SEC16B: variants seen among roughly 807,000 people sequenced by gnomAD.
The protein encoded by SEC16B is protein transport protein Sec16B.
SEC16B carries 115 observed loss-of-function variants against 141.8 expected under a neutral mutation model. The observed-to-expected ratio is 0.81, with a 90% CI of 0.70 to 0.95. SEC16B has a LOEUF of 0.95. Ranked by LOEUF, SEC16B falls within the 40% of genes least tolerant of loss-of-function variation. SEC16B has a pLI of 0.00. For missense variants in SEC16B, 1,291 were observed against 1,312.3 expected (o/e 0.98, Z 0.25); for synonymous variants, 493 against 492.5 (o/e 1.00, Z -0.01).
At chr1:177,974,901 C>T (rs1428629465), upstream of SEC16B, among the ~76,000 whole-genome samples, 1 of 152,162 alleles carries the variant, frequency 6.6e-6, no homozygotes, top group Non-Finnish European at 1.5e-5. Flanking sequence ...ATCCAGAGCA[C>T]AGGAACAAAA....
chr1:177,937,822 T>C (rs774577499), intron 18 of SEC16B, among the ~76,000 whole-genome samples: 5 of 152,164 alleles, frequency 3.3e-5, no homozygotes, highest in Non-Finnish European at 7.4e-5. Context: ...CCTTAAAAAC[T>C]GAGTTCCCAG....
Position 177,960,321 on chromosome 1 carries a change from GCA to G in SEC16B, c.998+19_998+20del. ...TCTAGGTTTCAAAAGCCCTTACTCA[GCA>G]GCTCTTACAGCACTATACCTAATCA... On this transcript the variant is annotated intron_variant, in intron 8 of 25. Transcript: ENST00000308284. 1 of 1,533,212 alleles carries G rather than the reference GCA, an allele frequency of 6.5e-7. No homozygotes were observed. Among genetic ancestry groups the G allele is most frequent in the East Asian group, 2.3e-5 (1 of 44,332 alleles). 95.0% of individuals were successfully genotyped at this position (1,533,212 alleles called of 1,614,324 possible). A position where few individuals can be genotyped will look rare whatever the true frequency, so the allele number is the denominator to read the frequency against.
chr1:177,932,522 C>T lies in SEC16B; in HGVS notation c.2980G>A (p.Gly994Ser). 4 of 1,557,130 alleles carry T rather than the reference C, an allele frequency of 2.6e-6. No individual in the cohort carries two copies. The highest frequency in any genetic ancestry group is 3.5e-6 in the Non-Finnish European group (4 of 1,150,918). ...CCAGACAAGCCTCCAACCCCAGCGC[C>T]CGCAGCTGCTCCCCCGCTGGATGCG... Reference protein sequence around the residue: ...GSASSGGAAAGAGVGGLSGPE... With the variant: ...GSASSGGAAASAGVGGLSGPE... Residue 994 changes from glycine (G) to serine (S), a missense_variant, in exon 24 of 26, where the codon GGC becomes AGC. By Grantham distance (56) the Gly-to-Ser change is moderately conservative. This residue lies in a region of SEC16B where 605 missense variants were observed against 614.1 expected (regional missense o/e 0.99). Transcript: ENST00000308284.
upstream of SEC16B, chr1:177,971,273 G>A (rs548614183): frequency 2.0e-5 from 3 of 152,220 alleles, no homozygotes; most frequent in East Asian, 1.9e-4. Context: ...GTAAAGAAGG[G>A]GTTTCATCAT....
rs566838800 is a variant in SEC16B at position 177,944,726 on chromosome 1, C to T, written c.1776-60G>A. 2.0e-4 allele frequency: 268 copies of T among 1,370,296 alleles called. 1 individual carries two copies. The African/African-American group carries it at 3.1e-3, about 16-fold the overall frequency. The allele number at this position is 1,370,296 out of a possible 1,614,324, so 84.9% of individuals were successfully genotyped here. Reference sequence around the variant, plus strand: ...GTGTGGGGGACGCAGGAGTTAAATCCTAGTGGCTCTCCAAACACCAGCTGC... The same window carrying T: ...GTGTGGGGGACGCAGGAGTTAAATCTTAGTGGCTCTCCAAACACCAGCTGC... On this transcript the variant is annotated intron_variant, in intron 14 of 25. Transcript: ENST00000308284.
Position 177,961,634 on chromosome 1 carries a change from C to G in SEC16B, c.743G>C (p.Arg248Pro). The G allele has an allele frequency of 1.9e-6, 3 of 1,613,870 alleles. No homozygotes were observed. Among genetic ancestry groups the G allele is most frequent in the Non-Finnish European group, 1.7e-6 (2 of 1,179,862 alleles). The change falls in exon 6 of 26, where the codon CGG becomes CCG. Residue 248 changes from arginine (R) to proline (P), a missense_variant. Transcript: ENST00000308284. The stretch of plus-strand genomic sequence containing the variant: ...AGCTGCTGAAGCTGGGGGATCATCC[C>G]GCTCCGGGGCATCTCTGATGTACTG... ...LSQYIRDAPE[R>P]DDPPASAAWS... is the part of the protein sequence containing the mutation.
intron 5 of SEC16B, 150 bp downstream of exon 5, chr1:177,964,021 G>C: frequency 1.7e-6 from 1 of 577,516 alleles, no homozygotes; most frequent in Non-Finnish European, 3.1e-6. Context: ...AGGAAGGCAT[G>C]GGCGGAGGTT....
chr1:177,975,257 A>G (rs1228633237), intron 1 of SEC16B, among the ~76,000 whole-genome samples: 3 of 152,228 alleles, frequency 2.0e-5, no homozygotes. Context: ...TCCATGCAAT[A>G]TTCGCAGTGC....
At chr1:177,946,200 G>A in intron 14 of SEC16B, 1 of 620,654 alleles carries the variant, frequency 1.6e-6, no homozygotes, top group Non-Finnish European at 2.9e-6. Flanking sequence ...CCTCTTTGCA[G>A]AGGAGGACCT....
At position 177,947,855 on chromosome 1, in the gene SEC16B, G is replaced by A. The variant is rs779266782; in HGVS notation, c.1633C>T (p.Arg545Cys). The stretch of plus-strand genomic sequence containing the variant: ...GTGTCCCCAATGGCAACAATCGCAC[G>A]CTGATACAGCTCTGGGTCCCCAGCC... ...NQAGDPELYQ[R>C]AIVAIGDTLA... The change falls in exon 13 of 26, where the codon CGT (arginine) becomes TGT (cysteine). Residue 545 changes from arginine to cysteine, a missense_variant. Physicochemically the swap from Arg to Cys is radical, Grantham distance 180. Coordinates refer to ENST00000308284, the MANE Select transcript of SEC16B (RefSeq NM_033127.4). 2.6e-5 allele frequency: 41 copies of A among 1,557,880 alleles called. No individual in the cohort carries two copies. The East Asian group carries it at 2.7e-4, about 10-fold the overall frequency.
intron 12 of SEC16B, among the ~76,000 whole-genome samples, chr1:177,949,983 T>C (rs995242619): frequency 6.6e-6 from 1 of 152,062 alleles, no homozygotes; most frequent in Admixed American, 6.5e-5. Flanking sequence ...AATTGTATCA[T>C]TTCCTGCATT....
chr1:177,957,400 TA>T (rs1201730644), intron 10 of SEC16B, among the ~76,000 whole-genome samples: 1 of 152,148 alleles, frequency 6.6e-6, no homozygotes, highest in Non-Finnish European at 1.5e-5. Context: ...ATCTTAAGTT[TA>T]AAAAGAGAAA....
intron 13 of SEC16B, among the ~76,000 whole-genome samples, chr1:177,946,964 T>C (rs1354246965): frequency 6.6e-6 from 1 of 152,136 alleles, no homozygotes; most frequent in Non-Finnish European, 1.5e-5. Flanking sequence ...TCATATTAAT[T>C]ACCAACATGT....
rs149011550 is a variant in SEC16B, at chr1:177,958,507, C to T, written c.1135-145G>A. The T allele has an allele frequency of 5.8e-4, 378 of 646,282 alleles. 1 individual carries two copies. In the African/African-American group the frequency reaches 6.1e-3, roughly 10 times the overall value. The allele number at this position is 646,282 out of a possible 1,614,324, so 40.0% of individuals were successfully genotyped here. A position where few individuals can be genotyped will look rare whatever the true frequency, so the allele number is the denominator to read the frequency against. On this transcript the variant is annotated intron_variant, in intron 9 of 25. Coordinates refer to ENST00000308284, the MANE Select transcript of SEC16B (RefSeq NM_033127.4). ...CATAAGGCAGTCCTTTGTTAGATTG[C>T]TATATTTCAGACTTCAGCATCACTA...
chr1:177,965,766 T>C (rs990919930), intron 3 of SEC16B, 127 bp downstream of exon 3: 27 of 600,180 alleles, frequency 4.5e-5, no homozygotes, highest in African/African-American at 4.5e-4. Context: ...TCTGCTATGG[T>C]CTCGTCTGGC....
At position 177,944,481 on chromosome 1, in the gene SEC16B, T is replaced by G. The variant is rs1429121990; in HGVS notation, c.1881+80A>C. On this transcript the variant is annotated intron_variant, in intron 15 of 25. Coordinates refer to ENST00000308284, the MANE Select transcript of SEC16B (RefSeq NM_033127.4). ...AGATAACTTAGCCCCAGGTACTAAG[T>G]GCCAAAAAGCAAAGCTGCAAATACA... The G allele has an allele frequency of 4.5e-6, 5 of 1,098,996 alleles. No individual in the cohort carries two copies. The Admixed American group carries it at 6.1e-5, about 13-fold the overall frequency. The allele number at this position is 1,098,996 out of a possible 1,614,324, so 68.1% of individuals were successfully genotyped here.
At chr1:177,948,632 G>C in intron 12 of SEC16B, 2 of 1,297,840 alleles carry the variant, frequency 1.5e-6, no homozygotes, top group Non-Finnish European at 2.0e-6. Flanking sequence ...TCTCCCTAAG[G>C]CTGTCCTACT....
intron 12 of SEC16B, chr1:177,948,448 A>T (rs1264083170): frequency 5.4e-6 from 7 of 1,303,826 alleles, no homozygotes; most frequent in Non-Finnish European, 7.1e-6. Flanking sequence ...CTTAATCTTC[A>T]CAGGAACCCT....
intron 2 of SEC16B, among the ~76,000 whole-genome samples, chr1:177,966,956 G>A (rs764173968): frequency 1.3e-5 from 2 of 152,158 alleles, no homozygotes; most frequent in Non-Finnish European, 2.9e-5. Flanking sequence ...CTGTAAGCAG[G>A]TAAATATCAC....
Sources: allele counts gnomAD v4.1 joint callset (sites outside exome capture counted in the v4.1 genomes callset), GRCh38; gene constraint gnomAD v4.1.1; regional missense constraint gnomAD v4.1.1; transcripts MANE v1.5; gene names NCBI Gene and HGNC (gene_info 2026-07-23, HGNC 2026-07-21).